The following KCNIP1 variants were observed in gnomAD, a reference collection of about 807,000 sequenced individuals.
KCNIP1 encodes A-type potassium channel modulatory protein KCNIP1.
In KCNIP1, 18 loss-of-function variants were observed where a neutral mutation model predicts 33.0. The observed-to-expected ratio is 0.55, with a 90% confidence interval of 0.38 to 0.81. The LOEUF (loss-of-function observed/expected upper bound fraction) is 0.81. Among genes scored for constraint, KCNIP1 ranks in the 30% least tolerant of loss-of-function variants. The pLI is 0.00. For missense variants in KCNIP1, 238 were observed against 271.6 expected, an observed-to-expected ratio of 0.88 and a Z score of 0.87; for synonymous variants, 93 against 98.3, an observed-to-expected ratio of 0.95 and a Z score of 0.32.
intron 1 of KCNIP1, among the ~76,000 whole-genome samples, chr5:170,616,556 C>T (rs1403532016): frequency 2.0e-5 from 3 of 152,184 alleles, no homozygotes; most frequent in Admixed American, 2.0e-4. Flanking sequence ...GGCATCTCTG[C>T]GTTCACGTCT....
chr5:170,680,749 T>G (rs919229951), intron 1 of KCNIP1: 11 of 222,916 alleles, frequency 4.9e-5, no homozygotes, highest in African/African-American at 2.5e-4. Context: ...CGAGAGAATA[T>G]GCCATGAGAT....
chr5:170,631,500 G>C (rs921514479), intron 1 of KCNIP1, among the ~76,000 whole-genome samples: 2 of 152,120 alleles, frequency 1.3e-5, no homozygotes, highest in Non-Finnish European at 2.9e-5. Flanking sequence ...CCAAGCAGGA[G>C]AGCAGGAGGC....
chr5:170,418,740 C>T (rs1755398078), intron 1 of KCNIP1, among the ~76,000 whole-genome samples: 1 of 152,208 alleles, frequency 6.6e-6, no homozygotes, highest in South Asian at 2.1e-4. Flanking sequence ...AAAAGCCCGT[C>T]CCACCTCCTA....
At position 170,626,636 on chromosome 5, in the gene KCNIP1, CG is replaced by C. The variant is rs561343903; in HGVS notation, c.62-92118del. ...GGTGTGGAGAAGAGGCTGCTGACTC[CG>C]GGGCCCCAGGACCTGGCCCCCAGGT... On this transcript the variant is annotated intron_variant, in intron 1 of 7. Coordinates refer to ENST00000328939, the MANE Select transcript of KCNIP1 (RefSeq NM_014592.4). Among the ~76,000 whole-genome samples, 115 of 152,302 alleles carry C rather than the reference CG, an allele frequency of 7.6e-4. 5 individuals carry two copies. In the South Asian group the frequency reaches 0.022, roughly 30 times the overall value.
At chr5:170,620,511 A>G (rs1759560766) in intron 1 of KCNIP1, among the ~76,000 whole-genome samples, 1 of 152,208 alleles carries the variant, frequency 6.6e-6, no homozygotes, top group Non-Finnish European at 1.5e-5. Flanking sequence ...GGAACTAGCC[A>G]TGATAACAAA....
chr5:170,556,082 A>G (rs572807445), intron 1 of KCNIP1, among the ~76,000 whole-genome samples: 1 of 152,332 alleles, frequency 6.6e-6, no homozygotes, highest in South Asian at 2.1e-4. Flanking sequence ...CAAAATATGT[A>G]CGAGGCACGG....
chr5:170,480,715 A>T (rs1011108961), intron 1 of KCNIP1, among the ~76,000 whole-genome samples: 3 of 152,170 alleles, frequency 2.0e-5, no homozygotes, highest in Admixed American at 6.5e-5. Context: ...AACTGCTGGG[A>T]TTACAGGCGT....
intron 1 of KCNIP1, among the ~76,000 whole-genome samples, chr5:170,701,448 G>A (rs1763097594): frequency 6.6e-6 from 1 of 152,128 alleles, no homozygotes; most frequent in South Asian, 2.1e-4. Context: ...CAGGCTTAGC[G>A]GTTGCCACCC....
intron 1 of KCNIP1, among the ~76,000 whole-genome samples, chr5:170,653,478 G>T (rs578028786): frequency 2.0e-5 from 3 of 152,200 alleles, no homozygotes; most frequent in African/African-American, 7.2e-5. Context: ...GGCAAAATTT[G>T]TGATGTTCTC....
chr5:170,702,768 T>G (rs960101684), intron 1 of KCNIP1, among the ~76,000 whole-genome samples: 13 of 152,052 alleles, frequency 8.5e-5, no homozygotes, highest in Non-Finnish European at 1.9e-4. Context: ...CTCCTGAAAT[T>G]GCTGATTCAA....
At chr5:170,368,518 C>T (rs920858056) in intron 1 of KCNIP1, among the ~76,000 whole-genome samples, 3 of 152,200 alleles carry the variant, frequency 2.0e-5, no homozygotes, top group African/African-American at 7.2e-5. Flanking sequence ...CCGCCTCAGC[C>T]TCCCAAAGTG....
At chr5:170,622,152 C>A (rs1424097350) in intron 1 of KCNIP1, among the ~76,000 whole-genome samples, 1 of 152,216 alleles carries the variant, frequency 6.6e-6, no homozygotes, top group African/African-American at 2.4e-5. Context: ...AATCAAGATT[C>A]CGTCTGTGGT....
intron 1 of KCNIP1, among the ~76,000 whole-genome samples, chr5:170,417,921 GT>G (rs1354730567): frequency 1.3e-5 from 2 of 152,108 alleles, no homozygotes; most frequent in Non-Finnish European, 2.9e-5. Context: ...AGACGTCTTC[GT>G]TTGGGCAACC....
At chr5:170,670,610 G>A (rs1195460865) in intron 1 of KCNIP1, among the ~76,000 whole-genome samples, 5 of 152,114 alleles carry the variant, frequency 3.3e-5, no homozygotes, top group Non-Finnish European at 5.9e-5. Flanking sequence ...AGAACATCCT[G>A]GGCCAGGCGC....
chr5:170,424,381 C>A (rs902227876), intron 1 of KCNIP1, among the ~76,000 whole-genome samples: 1 of 152,178 alleles, frequency 6.6e-6, no homozygotes, highest in Non-Finnish European at 1.5e-5. Context: ...TGAGCTGCCC[C>A]CAGAGTAGGG....
intron 1 of KCNIP1, among the ~76,000 whole-genome samples, chr5:170,654,324 T>C (rs1324695481): frequency 6.6e-6 from 1 of 152,176 alleles, no homozygotes; most frequent in Non-Finnish European, 1.5e-5. Flanking sequence ...TGGGGGATGC[T>C]CCAAGCGGTA....
chr5:170,367,364 A>G (rs150439327), intron 1 of KCNIP1, among the ~76,000 whole-genome samples: 12,909 of 107,516 alleles, frequency 0.12, 958 homozygotes, highest in African/African-American at 0.17. Context: ...AAAGAAAGAA[A>G]GAAAGAAAGA....
intron 1 of KCNIP1, among the ~76,000 whole-genome samples, chr5:170,636,656 A>G (rs1297765352): frequency 6.6e-6 from 1 of 152,174 alleles, no homozygotes; most frequent in Non-Finnish European, 1.5e-5. Context: ...TGGACCCAAG[A>G]GACAAATAGT....
intron 4 of KCNIP1, 138 bp downstream of exon 4, chr5:170,722,041 C>A: frequency 2.8e-6 from 3 of 1,080,418 alleles, no homozygotes; most frequent in Non-Finnish European, 4.0e-6. Context: ...CATTTGTAAG[C>A]ATTTCCTAAA....
Sources: allele counts gnomAD v4.1 joint callset (sites outside exome capture counted in the v4.1 genomes callset), GRCh38; gene constraint gnomAD v4.1.1; transcripts MANE v1.5; gene names NCBI Gene and HGNC (gene_info 2026-07-23, HGNC 2026-07-21).